Variants in RABGAP1L observed in about 807,000 individuals in gnomAD.
RABGAP1L encodes RAB GTPase activating protein 1 like.
RABGAP1L carries 63 observed loss-of-function variants against 137.7 expected under a neutral mutation model. That is an observed-to-expected ratio of 0.46 (90% CI 0.37 to 0.56). The LOEUF (loss-of-function observed/expected upper bound fraction) is 0.56. Among genes scored for constraint, RABGAP1L ranks in the 20% least tolerant of loss-of-function variants. The pLI is 0.00. For missense variants in RABGAP1L, 1,095 were observed against 1,244.0 expected (o/e 0.88, Z 1.80); for synonymous variants, 431 against 433.7 (o/e 0.99, Z 0.08).
chr1:174,281,780 G>C (rs1675584708), intron 10 of RABGAP1L, among the ~76,000 whole-genome samples: 1 of 152,152 alleles, frequency 6.6e-6, no homozygotes, highest in Non-Finnish European at 1.5e-5. Context: ...AGTACATTTT[G>C]ATGAGTTTTG....
chr1:174,688,947 GT>G (rs1444555727), intron 15 of RABGAP1L, among the ~76,000 whole-genome samples: 1 of 152,054 alleles, frequency 6.6e-6, no homozygotes, highest in African/African-American at 2.4e-5. Flanking sequence ...CACCAATGAA[GT>G]GGTAACTGTT....
chr1:174,726,181 A>G (rs942658090), intron 17 of RABGAP1L, among the ~76,000 whole-genome samples: 2 of 151,920 alleles, frequency 1.3e-5, no homozygotes, highest in Non-Finnish European at 2.9e-5. Context: ...AGCACTTTGA[A>G]TTTTCTCTTT....
At chr1:174,863,658 G>A (rs755744062) in intron 19 of RABGAP1L, among the ~76,000 whole-genome samples, 9 of 145,932 alleles carry the variant, frequency 6.2e-5, no homozygotes, top group Non-Finnish European at 1.2e-4. Context: ...GGGTGACAGA[G>A]CGAGACTCCG....
chr1:174,821,207 G>A (rs1376331600), intron 19 of RABGAP1L, among the ~76,000 whole-genome samples: 1 of 152,106 alleles, frequency 6.6e-6, no homozygotes, highest in Non-Finnish European at 1.5e-5. Context: ...CATTGTGGGA[G>A]GAATAGACAA....
chr1:174,932,477 G>A (rs960885709), intron 19 of RABGAP1L, among the ~76,000 whole-genome samples: 2 of 151,972 alleles, frequency 1.3e-5, no homozygotes, highest in Non-Finnish European at 2.9e-5. Context: ...TATTATAGAA[G>A]TGATGCTGTT....
chr1:174,606,392 G>T (rs1257189318), intron 13 of RABGAP1L, among the ~76,000 whole-genome samples: 1 of 152,126 alleles, frequency 6.6e-6, no homozygotes, highest in Non-Finnish European at 1.5e-5. Context: ...ATCATTATTT[G>T]CAATGACAAT....
chr1:174,564,545 C>T (rs1416161984), intron 13 of RABGAP1L, among the ~76,000 whole-genome samples: 3 of 152,212 alleles, frequency 2.0e-5, no homozygotes, highest in African/African-American at 4.8e-5. Flanking sequence ...AGTAGGCTGC[C>T]AGGGTTAAAC....
intron 13 of RABGAP1L, among the ~76,000 whole-genome samples, chr1:174,409,629 G>T (rs1250712571): frequency 6.6e-6 from 1 of 152,098 alleles, no homozygotes; most frequent in Non-Finnish European, 1.5e-5. Context: ...AAGTAGGGAA[G>T]ATATCGCTGA....
At chr1:174,508,108 A>G (rs1320275242) in intron 13 of RABGAP1L, among the ~76,000 whole-genome samples, 3 of 152,150 alleles carry the variant, frequency 2.0e-5, no homozygotes, top group East Asian at 1.9e-4. Context: ...CTGATTTCGC[A>G]TAATGTGTAT....
At chr1:174,555,286 A>C (rs1440963119) in intron 13 of RABGAP1L, among the ~76,000 whole-genome samples, 2 of 152,148 alleles carry the variant, frequency 1.3e-5, no homozygotes, top group African/African-American at 4.8e-5. Context: ...TGCTTAACCT[A>C]CTCTTGAGTA....
chr1:174,976,017 C>T lies in RABGAP1L; in HGVS notation c.2545-61C>T. 3 of 1,411,762 alleles carry T rather than the reference C, an allele frequency of 2.1e-6. No homozygotes were observed. In the Admixed American group the frequency reaches 6.3e-5, roughly 30 times the overall value. The allele number at this position is 1,411,762 out of a possible 1,614,324, so 87.5% of individuals were successfully genotyped here. Reference sequence around the variant, plus strand: ...AGATTGGGTTTGGAGAAGATTTCCACACACTTTCTTTACCCTCTGTATGAC... The same window carrying T: ...AGATTGGGTTTGGAGAAGATTTCCATACACTTTCTTTACCCTCTGTATGAC... On this transcript the variant is annotated intron_variant, in intron 21 of 25. Coordinates refer to ENST00000681986, the MANE Select transcript of RABGAP1L (RefSeq NM_001366446.1).
At chr1:174,587,083 AT>A (rs1306375520) in intron 13 of RABGAP1L, among the ~76,000 whole-genome samples, 1 of 151,226 alleles carries the variant, frequency 6.6e-6, no homozygotes, top group Non-Finnish European at 1.5e-5. Context: ...TGAACTCATC[AT>A]TTTTTATGGC....
intron 13 of RABGAP1L, among the ~76,000 whole-genome samples, chr1:174,607,836 C>G (rs1437428405): frequency 1.3e-5 from 2 of 152,120 alleles, no homozygotes; most frequent in Admixed American, 1.3e-4. Context: ...GTTTTAGAAA[C>G]CTGTGTAAAA....
chr1:174,786,359 T>C (rs1687446160), intron 18 of RABGAP1L, among the ~76,000 whole-genome samples: 1 of 152,266 alleles, frequency 6.6e-6, no homozygotes, highest in Non-Finnish European at 1.5e-5. Context: ...ACTATGTTAC[T>C]ACTTCCATCA....
intron 7 of RABGAP1L, among the ~76,000 whole-genome samples, chr1:174,253,255 G>T (rs1672860962): frequency 6.6e-6 from 1 of 152,100 alleles, no homozygotes; most frequent in African/African-American, 2.4e-5. Flanking sequence ...AAAAAGACAG[G>T]GAAATGCGAA....
chr1:174,384,320 A>G (rs1236395096), intron 12 of RABGAP1L, among the ~76,000 whole-genome samples: 1 of 152,170 alleles, frequency 6.6e-6, no homozygotes, highest in Non-Finnish European at 1.5e-5. Context: ...GAATGAGGGA[A>G]CTATCCTGTA....
intron 11 of RABGAP1L, among the ~76,000 whole-genome samples, chr1:174,354,001 C>T (rs1180596723): frequency 6.6e-6 from 1 of 152,128 alleles, no homozygotes; most frequent in East Asian, 1.9e-4. Context: ...ACTGTTACTT[C>T]CTTGACTATC....
At chr1:174,889,256 T>C (rs1334781030) in intron 19 of RABGAP1L, among the ~76,000 whole-genome samples, 2 of 151,998 alleles carry the variant, frequency 1.3e-5, no homozygotes, top group Admixed American at 6.6e-5. Context: ...CCTGGGTAGC[T>C]GGGACTACAG....
chr1:174,866,107 G>C (rs1038452860), intron 19 of RABGAP1L, among the ~76,000 whole-genome samples: 1 of 135,026 alleles, frequency 7.4e-6, no homozygotes, highest in African/African-American at 2.8e-5. Flanking sequence ...GAGGGAGGGA[G>C]GGGGAGAGAG....
Sources: allele counts gnomAD v4.1 joint callset (sites outside exome capture counted in the v4.1 genomes callset), GRCh38; gene constraint gnomAD v4.1.1; transcripts MANE v1.5; gene names NCBI Gene and HGNC (gene_info 2026-07-23, HGNC 2026-07-21).